The following ANKAR variants were observed in gnomAD, a reference collection of about 807,000 sequenced individuals.
ANKAR encodes the protein ankyrin and armadillo repeat-containing protein.
ANKAR carries 136 observed loss-of-function variants against 146.2 expected under a neutral mutation model. The observed-to-expected ratio is 0.93, with a 90% CI of 0.81 to 1.07. ANKAR has a LOEUF of 1.07. Ranked by LOEUF, ANKAR falls within the 50% of genes least tolerant of loss-of-function variation. The probability of loss-of-function intolerance (pLI) is 0.00; values close to 1 mark genes in which losing one functional copy is unlikely to be tolerated. For missense variants in ANKAR, 1,567 were observed against 1,679.9 expected (o/e 0.93, Z 1.18); for synonymous variants, 500 against 575.8 (o/e 0.87, Z 1.88).
At chr2:189,716,635 A>AATAC (rs59971017) in intron 10 of ANKAR, among the ~76,000 whole-genome samples, 2 of 151,844 alleles carry the variant, frequency 1.3e-5, no homozygotes, top group Non-Finnish European at 2.9e-5. Flanking sequence ...TTGCCAAGAC[A>AATAC]ATCCTAGGCA....
chr2:189,718,713 A>C (rs899587083), intron 10 of ANKAR, among the ~76,000 whole-genome samples: 3 of 151,312 alleles, frequency 2.0e-5, no homozygotes, highest in African/African-American at 7.3e-5. Context: ...TAAGTATAAC[A>C]GGCATCCACC....
intron 2 of ANKAR, among the ~76,000 whole-genome samples, chr2:189,682,991 G>A (rs552788992): frequency 1.3e-5 from 2 of 152,300 alleles, no homozygotes; most frequent in South Asian, 4.1e-4. Flanking sequence ...GACCATTGGA[G>A]GGTGATTAGT....
chr2:189,692,983 A>T, intron 4 of ANKAR, 91 bp from the exon 5 acceptor site: 1 of 632,960 alleles, frequency 1.6e-6, no homozygotes. Flanking sequence ...AAAATTTGTC[A>T]TTTACATGTA....
chr2:189,746,291 G>A (rs762027606), intron 22 of ANKAR, 89 bp from the exon 23 acceptor site: 3 of 1,406,096 alleles, frequency 2.1e-6, no homozygotes, highest in Non-Finnish European at 1.9e-6. Flanking sequence ...TTTTAGTTAT[G>A]TAAAGAAAAT....
intron 8 of ANKAR, 35 bp from the exon 9 acceptor site, chr2:189,706,903 A>T (rs765777607): frequency 1.3e-6 from 2 of 1,539,780 alleles, no homozygotes; most frequent in Non-Finnish European, 1.8e-6. Context: ...TTGACACTCT[A>T]TGCGTGTTTA....
rs372671150 is a variant in ANKAR at position 189,719,857 on chromosome 2, C to G, written c.2466+44C>G. 8.8e-5 allele frequency: 133 copies of G among 1,513,790 alleles called. 1 individual carries two copies. The Middle Eastern group carries it at 2.3e-3, about 26-fold the overall frequency. 93.8% of individuals were successfully genotyped at this position (1,513,790 alleles called of 1,614,324 possible). A position where few individuals can be genotyped will look rare whatever the true frequency, so the allele number is the denominator to read the frequency against. ...CAATTATTTTTGACTGACAATAACT[C>G]CCTCATATAGAAGTTACAAAAATAG... is the stretch of plus-strand genomic sequence containing the variant. On this transcript the variant is annotated intron_variant, in intron 11 of 22. Transcript: ENST00000684021.
intron 21 of ANKAR, 98 bp downstream of exon 21, chr2:189,743,572 T>C: frequency 9.4e-7 from 1 of 1,062,330 alleles, no homozygotes; most frequent in Non-Finnish European, 1.4e-6. Context: ...ATTCTTGATA[T>C]GAACATATCT....
At chr2:189,697,494 C>T (rs2037393854) in intron 7 of ANKAR, among the ~76,000 whole-genome samples, 1 of 152,058 alleles carries the variant, frequency 6.6e-6, no homozygotes, top group Non-Finnish European at 1.5e-5. Context: ...TTTGCTTTAA[C>T]CGTATTGAAT....
Position 189,696,220 on chromosome 2 carries a change from A to C in ANKAR, c.1559A>C (p.Lys520Thr), listed in dbSNP as rs780714424. 1 of 1,614,126 alleles carries C rather than the reference A, an allele frequency of 6.2e-7. No homozygotes were observed. The highest frequency in any genetic ancestry group is 8.5e-7 in the Non-Finnish European group (1 of 1,180,014). The change falls in exon 7 of 23, where the codon AAA becomes ACA. Residue 520 changes from lysine (K) to threonine (T), a missense_variant. Physicochemically the swap from Lys to Thr is moderately conservative, Grantham distance 78. Transcript: ENST00000684021. ...GCAGTTTTCCACACATTTAGCCGTAAAACCTCAAGCTCAACAATCAATGTT... is the reference window on the plus strand; with the variant it reads ...GCAGTTTTCCACACATTTAGCCGTACAACCTCAAGCTCAACAATCAATGTT... ...LSAVFHTFSRKTSSSTINVSD... is the reference protein window; with the variant it reads ...LSAVFHTFSRTTSSSTINVSD...
At chr2:189,723,402 C>T (rs1057343338) in intron 12 of ANKAR, among the ~76,000 whole-genome samples, 8 of 152,130 alleles carry the variant, frequency 5.3e-5, no homozygotes, top group African/African-American at 1.9e-4. Flanking sequence ...TGGTACCCTA[C>T]TTTCCTGTTC....
At chr2:189,731,546 G>A (rs2042399515) in intron 16 of ANKAR, among the ~76,000 whole-genome samples, 1 of 151,450 alleles carries the variant, frequency 6.6e-6, no homozygotes, top group South Asian at 2.1e-4. Context: ...GCTAATTTTT[G>A]TATTTTTGTA....
chr2:189,693,246 T>C, intron 5 of ANKAR, 69 bp downstream of exon 5: 6 of 972,798 alleles, frequency 6.2e-6, no homozygotes, highest in Non-Finnish European at 9.5e-6. Context: ...ACAAAGAAAA[T>C]GACAAAATGC....
intron 2 of ANKAR, among the ~76,000 whole-genome samples, chr2:189,679,904 G>A (rs2105738332): frequency 6.6e-6 from 1 of 152,256 alleles, no homozygotes; most frequent in South Asian, 2.1e-4. Context: ...ATATTGGTCT[G>A]TAGTTTTCTT....
chr2:189,754,227 A>G (rs200803062), intron 18 of ANKAR: 56 of 1,613,784 alleles, frequency 3.5e-5, no homozygotes, highest in Non-Finnish European at 4.6e-5. Context: ...AGCATGATGC[A>G]AGGGAGGTTT....
downstream of ANKAR, chr2:189,762,905 C>G: frequency 1.0e-6 from 1 of 985,390 alleles, no homozygotes; most frequent in African/African-American, 1.7e-5. Flanking sequence ...GCTCTCTGTG[C>G]GCACCTGCAT....
Position 189,695,043 on chromosome 2 carries a change from G to C in ANKAR, c.1370G>C (p.Trp457Ser), listed in dbSNP as rs778073997. Residue 457 changes from tryptophan to serine, a missense_variant, in exon 6 of 23, where the codon TGG becomes TCG. Transcript: ENST00000684021. ...FYQQLYKTQW[W>S]GAINEIVNNL... ...CAGCAACTATATAAGACACAGTGGTGGGGAGCCATAAATGAAATAGTGAAC... is the reference window on the plus strand; with the variant it reads ...CAGCAACTATATAAGACACAGTGGTCGGGAGCCATAAATGAAATAGTGAAC... 9.9e-6 allele frequency: 16 copies of C among 1,611,808 alleles called. No individual in the cohort carries two copies. The highest frequency in any genetic ancestry group is 1.1e-5 in the Non-Finnish European group (13 of 1,178,864).
chr2:189,737,111 T>C (rs2042932612), intron 17 of ANKAR, among the ~76,000 whole-genome samples: 1 of 92,810 alleles, frequency 1.1e-5, no homozygotes, highest in African/African-American at 4.0e-5. Context: ...GAAAAGAAAA[T>C]TCACCAAGAT....
At chr2:189,693,533 A>G (rs925648507) in intron 5 of ANKAR, among the ~76,000 whole-genome samples, 6 of 152,194 alleles carry the variant, frequency 3.9e-5, no homozygotes, top group African/African-American at 1.4e-4. Context: ...TATGGGAAGT[A>G]GAGCTCAGAG....
At chr2:189,692,132 C>T in intron 3 of ANKAR, 123 bp from the exon 4 acceptor site, 1 of 797,492 alleles carries the variant, frequency 1.3e-6, no homozygotes, top group South Asian at 2.0e-5. Context: ...CTATAATTGC[C>T]AAGATTTTAA....
Sources: gnomAD v4.1 joint callset for allele counts (sites outside exome capture counted in the v4.1 genomes callset) on GRCh38, gnomAD v4.1.1 for gene constraint, MANE v1.5 for transcripts, NCBI Gene and HGNC (gene_info 2026-07-23, HGNC 2026-07-21) for gene names.